Variants in TMEM51 observed in about 807,000 individuals in gnomAD.
The protein encoded by TMEM51 is transmembrane protein 51.
A neutral mutation model predicts 13.6 loss-of-function variants in TMEM51; 8 were observed. The ratio of observed to expected loss-of-function variants is 0.59; its 90% CI spans 0.35 to 1.07. TMEM51 has a LOEUF of 1.07. Among genes scored for constraint, TMEM51 ranks in the 50% least tolerant of loss-of-function variants. The pLI is 0.02. For missense variants in TMEM51, 279 were observed against 330.7 expected (o/e 0.84, Z 1.21); for synonymous variants, 147 against 144.4 (o/e 1.02, Z -0.13).
At chr1:15,164,115 C>T (rs1485436426) in intron 1 of TMEM51, among the ~76,000 whole-genome samples, 1 of 152,026 alleles carries the variant, frequency 6.6e-6, no homozygotes, top group East Asian at 1.9e-4. Context: ...CAGGCGTGAG[C>T]CACCATGCCC....
chr1:15,192,777 G>T, intron 1 of TMEM51: 1 of 170,056 alleles, frequency 5.9e-6, no homozygotes, highest in Non-Finnish European at 1.3e-5. Context: ...ACTTTTCTGG[G>T]ATCCTCACTT....
chr1:15,200,871 C>G (rs34772777), intron 1 of TMEM51, among the ~76,000 whole-genome samples: 1 of 152,152 alleles, frequency 6.6e-6, no homozygotes, highest in Non-Finnish European at 1.5e-5. Flanking sequence ...AATTGTATCT[C>G]CTGACCACAG....
intron 1 of TMEM51, among the ~76,000 whole-genome samples, chr1:15,166,709 A>G (rs1234325223): frequency 6.6e-6 from 1 of 152,006 alleles, no homozygotes; most frequent in Non-Finnish European, 1.5e-5. Flanking sequence ...ACAGAGTGAG[A>G]CTCTATCTCA....
chr1:15,181,659 A>G (rs1043811791), intron 1 of TMEM51, among the ~76,000 whole-genome samples: 1 of 152,198 alleles, frequency 6.6e-6, no homozygotes, highest in Admixed American at 6.5e-5. Flanking sequence ...TCTCGACCAG[A>G]CGGGGCTCAA....
At chr1:15,175,442 G>A (rs930651168) in intron 1 of TMEM51, among the ~76,000 whole-genome samples, 3 of 152,144 alleles carry the variant, frequency 2.0e-5, no homozygotes, top group Non-Finnish European at 2.9e-5. Context: ...AACTAGGGCT[G>A]TAAGCTCCTA....
intron 1 of TMEM51, among the ~76,000 whole-genome samples, chr1:15,180,269 C>T (rs1346805774): frequency 2.9e-4 from 44 of 152,236 alleles, no homozygotes; most frequent in Non-Finnish European, 7.4e-5. Flanking sequence ...AAAGTCTGGT[C>T]CCAGGGCTGT....
At chr1:15,212,814 T>G (rs1644363401) in intron 2 of TMEM51, among the ~76,000 whole-genome samples, 1 of 152,252 alleles carries the variant, frequency 6.6e-6, no homozygotes, top group South Asian at 2.1e-4. Context: ...ATTCCATACA[T>G]ATGCATGCAT....
In TMEM51 at chr1:15,215,176, T is replaced by C. The variant is rs543376202; in HGVS notation, c.89T>C (p.Met30Thr). 1.9e-5 allele frequency: 31 copies of C among 1,614,202 alleles called. No individual in the cohort carries two copies. The highest frequency in any genetic ancestry group is 1.2e-4 in the South Asian group (11 of 91,084). ...GMLVLGVIMA[M>T]WNLVPGFSAA... is the part of the protein sequence containing the mutation. ...CTGGTCCTTGGGGTGATCATGGCCA[T>C]GTGGAACCTGGTACCCGGCTTCAGC... Residue 30 changes from methionine (M) to threonine (T), a missense_variant, in exon 3 of 4, where the codon ATG becomes ACG. By Grantham distance (81) the Met-to-Thr change is moderately conservative. Coordinates refer to ENST00000376008, the MANE Select transcript of TMEM51 (RefSeq NM_001136218.2).
chr1:15,170,470 G>A (rs1158753022), intron 1 of TMEM51, among the ~76,000 whole-genome samples: 1 of 151,156 alleles, frequency 6.6e-6, no homozygotes, highest in East Asian at 2.0e-4. Context: ...CACCACGCCC[G>A]GCTAATTTTT....
intron 1 of TMEM51, among the ~76,000 whole-genome samples, chr1:15,158,671 A>C (rs369818310): frequency 6.6e-6 from 1 of 152,046 alleles, no homozygotes; most frequent in South Asian, 2.1e-4. Context: ...CAGGTAGGAC[A>C]CCCCATTCTG....
chr1:15,162,396 C>T (rs752153670), intron 1 of TMEM51, among the ~76,000 whole-genome samples: 20 of 152,000 alleles, frequency 1.3e-4, no homozygotes, highest in Non-Finnish European at 2.2e-4. Flanking sequence ...CTCCTGGCCT[C>T]GAGTGATCCA....
At chr1:15,214,767 C>T (rs1443744039) in intron 2 of TMEM51, 128 bp from the exon 3 acceptor site, 4 of 302,620 alleles carry the variant, frequency 1.3e-5, no homozygotes, top group East Asian at 7.0e-5. Flanking sequence ...GCATCAAAGG[C>T]GAGGCCCAGC....
At chr1:15,200,980 TG>T (rs1165445660) in intron 1 of TMEM51, among the ~76,000 whole-genome samples, 1 of 152,200 alleles carries the variant, frequency 6.6e-6, no homozygotes, top group African/African-American at 2.4e-5. Flanking sequence ...CAGTGGAGTG[TG>T]CCACAGGTGC....
chr1:15,172,860 T>C (rs1479606789), intron 1 of TMEM51, among the ~76,000 whole-genome samples: 1 of 152,236 alleles, frequency 6.6e-6, no homozygotes, highest in African/African-American at 2.4e-5. Flanking sequence ...AGATGGGTGC[T>C]GTCGACACTA....
At chr1:15,170,282 C>T (rs1643201280) in intron 1 of TMEM51, among the ~76,000 whole-genome samples, 1 of 151,948 alleles carries the variant, frequency 6.6e-6, no homozygotes, top group Non-Finnish European at 1.5e-5. Flanking sequence ...TTCCTCCTTT[C>T]CCTCCTCTCC....
At chr1:15,195,106 T>C (rs1391801382) in intron 1 of TMEM51, among the ~76,000 whole-genome samples, 1 of 151,764 alleles carries the variant, frequency 6.6e-6, no homozygotes, top group African/African-American at 2.4e-5. Context: ...TTTGTGTGTG[T>C]ATTTTTTGTA....
intron 1 of TMEM51, among the ~76,000 whole-genome samples, chr1:15,187,973 T>C (rs1327389288): frequency 6.6e-6 from 1 of 152,224 alleles, no homozygotes; most frequent in Non-Finnish European, 1.5e-5. Flanking sequence ...CATTAGCTGC[T>C]CGCGCTGTTG....
At chr1:15,191,070 AG>A (rs1271823588) in intron 1 of TMEM51, among the ~76,000 whole-genome samples, 1 of 152,232 alleles carries the variant, frequency 6.6e-6, no homozygotes, top group African/African-American at 2.4e-5. Context: ...TACAGGCGTG[AG>A]CCACTGCTCC....
intron 1 of TMEM51, chr1:15,164,522 ACTT>A (rs1298044757): frequency 2.2e-6 from 1 of 454,364 alleles, no homozygotes; most frequent in Non-Finnish European, 4.4e-6. Flanking sequence ...TATCAATGTA[ACTT>A]CTTATTGATG....
Sources: allele counts gnomAD v4.1 joint callset (sites outside exome capture counted in the v4.1 genomes callset), GRCh38; gene constraint gnomAD v4.1.1; transcripts MANE v1.5; gene names NCBI Gene and HGNC (gene_info 2026-07-23, HGNC 2026-07-21).